Variants in STK33 observed in about 807,000 individuals in gnomAD.
STK33 encodes serine/threonine kinase 33.
In STK33, 52 loss-of-function variants were observed where a neutral mutation model predicts 58.0. The ratio of observed to expected loss-of-function variants is 0.90; its 90% CI spans 0.72 to 1.13. The LOEUF (loss-of-function observed/expected upper bound fraction) is 1.13. Ranked by LOEUF, STK33 falls within the 50% of genes most tolerant of loss-of-function variation. STK33 has a pLI of 0.00. For missense variants in STK33, 630 were observed against 604.2 expected, an observed-to-expected ratio of 1.04 and a Z score of -0.45; for synonymous variants, 215 against 200.1, an observed-to-expected ratio of 1.07 and a Z score of -0.63.
Position 8,469,395 on chromosome 11 carries a change from G to A in STK33, c.339+3768C>T, listed in dbSNP as rs376712895. 4.6e-5 allele frequency among the ~76,000 whole-genome samples: 7 copies of A among 152,020 alleles called. No individual in the cohort carries two copies. The East Asian group carries it at 5.8e-4, about 13-fold the overall frequency. On this transcript the variant is annotated intron_variant, in intron 6 of 15. Coordinates refer to ENST00000687296, the MANE Select transcript of STK33 (RefSeq NM_001352389.2). The stretch of plus-strand genomic sequence containing the variant: ...ATTCTTCACTCATTCATGTTTTATC[G>A]TGAGACTGCAAAAAGTCAGTCCCAT...
the STK33 span, among the ~76,000 whole-genome samples, chr11:8,339,519 C>A: frequency 6.6e-6 from 1 of 152,250 alleles, no homozygotes; most frequent in Non-Finnish European, 1.5e-5. Flanking sequence ...CCGTGTGAAG[C>A]CTAATCCCAT....
At chr11:8,579,663 A>T (rs10840077) in intron 1 of STK33, among the ~76,000 whole-genome samples, 70,244 of 151,890 alleles carry the variant, frequency 0.46, 16,414 homozygotes, top group Non-Finnish European at 0.5. Context: ...TAGCATTCAC[A>T]TGTTCTCATT....
intron 14 of STK33, chr11:8,434,156 G>T (rs1943752788): frequency 6.0e-6 from 1 of 167,958 alleles, no homozygotes; most frequent in Non-Finnish European, 1.3e-5. Context: ...GGCAGAGGTT[G>T]CAGTTGACTT....
At chr11:8,355,410 T>C in the STK33 span, among the ~76,000 whole-genome samples, 12 of 152,232 alleles carry the variant, frequency 7.9e-5, no homozygotes, top group Non-Finnish European at 1.6e-4. Context: ...GTGGCTACGG[T>C]ACTGGACGGC....
intron 1 of STK33, among the ~76,000 whole-genome samples, chr11:8,500,339 A>AACAC (rs35599782): frequency 4.4e-4 from 66 of 150,484 alleles, no homozygotes; most frequent in African/African-American, 1.4e-3. Flanking sequence ...AACACCCCCC[A>AACAC]ACACACACAC....
chr11:8,571,710 G>A (rs1379757919), intron 1 of STK33, among the ~76,000 whole-genome samples: 1 of 151,710 alleles, frequency 6.6e-6, no homozygotes, highest in Non-Finnish European at 1.5e-5. Flanking sequence ...GCGGGTGCCT[G>A]TAGTCCCAGC....
chr11:8,591,135 G>T (rs954932106), intron 1 of STK33, among the ~76,000 whole-genome samples: 2 of 152,188 alleles, frequency 1.3e-5, no homozygotes, highest in Admixed American at 6.5e-5. Context: ...ACAGCCATCA[G>T]TTCAAACAAC....
chr11:8,443,599 CA>C (rs34212152), intron 11 of STK33, among the ~76,000 whole-genome samples: 57,169 of 144,846 alleles, frequency 0.39, 11,157 homozygotes, highest in South Asian at 0.57. Context: ...CACCGTATGG[CA>C]AAAAAAAAAA....
chr11:8,580,903 TG>T (rs1405300566), intron 1 of STK33: 2 of 152,162 alleles, frequency 1.3e-5, no homozygotes, highest in Non-Finnish European at 2.9e-5. Context: ...GTGGGTTATC[TG>T]TCATCTTCAT....
At chr11:8,521,197 C>T (rs1953397137) in intron 1 of STK33, among the ~76,000 whole-genome samples, 2 of 152,178 alleles carry the variant, frequency 1.3e-5, no homozygotes, top group Middle Eastern at 6.8e-3. Context: ...AAGAACAAAG[C>T]TGGAGGCATC....
At chr11:8,486,669 G>T (rs1317021345) in intron 1 of STK33, among the ~76,000 whole-genome samples, 2 of 152,190 alleles carry the variant, frequency 1.3e-5, no homozygotes, top group African/African-American at 4.8e-5. Flanking sequence ...GTGAGAGAAT[G>T]ACATAATAAG....
At chr11:8,470,704 T>A (rs1387644973) in intron 6 of STK33, among the ~76,000 whole-genome samples, 2 of 152,096 alleles carry the variant, frequency 1.3e-5, no homozygotes, top group African/African-American at 4.8e-5. Flanking sequence ...TGTCCTAATT[T>A]TAATATTGTC....
At chr11:8,396,990 G>T (rs1351394316) in intron 15 of STK33, among the ~76,000 whole-genome samples, 1 of 152,348 alleles carries the variant, frequency 6.6e-6, no homozygotes, top group African/African-American at 2.4e-5. Context: ...GGAGCCCACC[G>T]CAGCTCAAGG....
At chr11:8,398,540 G>T (rs995648439) in intron 15 of STK33, among the ~76,000 whole-genome samples, 4 of 152,194 alleles carry the variant, frequency 2.6e-5, no homozygotes, top group African/African-American at 9.7e-5. Flanking sequence ...AGGCTAGGAA[G>T]AAACTGCATC....
chr11:8,494,512 A>G (rs2138841130), intron 1 of STK33, among the ~76,000 whole-genome samples: 1 of 152,372 alleles, frequency 6.6e-6, no homozygotes, highest in East Asian at 1.9e-4. Context: ...GAAAATGGCC[A>G]TACTGCCCAA....
chr11:8,445,906 G>A (rs1468040838), intron 11 of STK33, among the ~76,000 whole-genome samples: 1 of 152,338 alleles, frequency 6.6e-6, no homozygotes, highest in Non-Finnish European at 1.5e-5. Context: ...AAATGAGTTA[G>A]GGAGGAGTCC....
intron 1 of STK33, among the ~76,000 whole-genome samples, chr11:8,493,199 A>G (rs1406697156): frequency 1.3e-5 from 2 of 152,224 alleles, no homozygotes; most frequent in African/African-American, 4.8e-5. Flanking sequence ...ATGGACCGCT[A>G]GCAAGACTAA....
intron 12 of STK33, among the ~76,000 whole-genome samples, chr11:8,439,500 T>C (rs988008382): frequency 3.9e-5 from 6 of 152,038 alleles, no homozygotes; most frequent in African/African-American, 1.2e-4. Context: ...AGTATATACC[T>C]AATAAATGTA....
intron 9 of STK33, among the ~76,000 whole-genome samples, chr11:8,455,783 CCTGGGTAACAGAG>C: frequency 7.3e-6 from 1 of 136,316 alleles, no homozygotes; most frequent in African/African-American, 2.7e-5. Flanking sequence ...TGCACTCCAG[CCTGGGTAACAGAG>C]AGAGACTCTG....
Sources: gnomAD v4.1 joint callset for allele counts (sites outside exome capture counted in the v4.1 genomes callset) on GRCh38, gnomAD v4.1.1 for gene constraint, MANE v1.5 for transcripts, NCBI Gene and HGNC (gene_info 2026-07-23, HGNC 2026-07-21) for gene names.